Variants in PID1 observed in about 807,000 individuals in gnomAD.
PID1 encodes the protein PTB-containing, cubilin and LRP1-interacting protein.
In PID1, 10 loss-of-function variants were observed where a neutral mutation model predicts 19.1. That is an observed-to-expected ratio of 0.52 (90% confidence interval 0.32 to 0.89). The LOEUF (loss-of-function observed/expected upper bound fraction) is 0.89, where lower values mean the gene tolerates loss of function less well. Among genes scored for constraint, PID1 ranks in the 40% least tolerant of loss-of-function variants. The pLI is 0.03. For synonymous variants in PID1, 130 were observed against 116.0 expected (o/e 1.12, Z -0.78); for missense variants, 248 against 285.3 (o/e 0.87, Z 0.94).
intron 2 of PID1, among the ~76,000 whole-genome samples, chr2:229,056,099 A>G (rs1330481525): frequency 6.6e-6 from 1 of 152,196 alleles, no homozygotes; most frequent in Non-Finnish European, 1.5e-5. Context: ...ATTCATGGGT[A>G]CTGTTCCCCA....
At chr2:229,264,517 C>A (rs1690543284) in intron 1 of PID1, among the ~76,000 whole-genome samples, 1 of 152,128 alleles carries the variant, frequency 6.6e-6, no homozygotes, top group Non-Finnish European at 1.5e-5. Flanking sequence ...ACCCTAACAC[C>A]CACTATCATA....
intron 1 of PID1, among the ~76,000 whole-genome samples, chr2:229,221,020 C>T (rs184427837): frequency 1.6e-4 from 24 of 152,254 alleles, no homozygotes; most frequent in Admixed American, 1.2e-3. Context: ...CTGAATTGGC[C>T]GATCAGTGTA....
chr2:229,155,765 C>A (rs926692663), intron 2 of PID1, 53 bp downstream of exon 2: 4 of 1,510,906 alleles, frequency 2.6e-6, no homozygotes, highest in Non-Finnish European at 2.7e-6. Context: ...CAAGCCCACA[C>A]ATCTTTGAGG....
chr2:229,077,581 C>T (rs1694584695), intron 2 of PID1, among the ~76,000 whole-genome samples: 1 of 152,126 alleles, frequency 6.6e-6, no homozygotes, highest in African/African-American at 2.4e-5. Context: ...AGGAAGGGGT[C>T]CAGTTTCAGT....
chr2:229,129,497 C>T (rs1398252358), intron 2 of PID1, among the ~76,000 whole-genome samples: 1 of 151,756 alleles, frequency 6.6e-6, no homozygotes, highest in African/African-American at 2.4e-5. Flanking sequence ...CACACCCAAA[C>T]CTAAATGTGA....
At chr2:229,167,737 T>C (rs1191542367) in intron 1 of PID1, among the ~76,000 whole-genome samples, 1 of 152,160 alleles carries the variant, frequency 6.6e-6, no homozygotes, top group African/African-American at 2.4e-5. Context: ...ACTTTCCTGG[T>C]TTTTATTCTA....
chr2:229,139,479 T>A (rs957112858), intron 2 of PID1, among the ~76,000 whole-genome samples: 1 of 152,164 alleles, frequency 6.6e-6, no homozygotes, highest in Non-Finnish European at 1.5e-5. Flanking sequence ...AGCATCTTTA[T>A]CCTCTAGGAA....
chr2:229,200,280 C>T (rs1359056064), intron 1 of PID1, among the ~76,000 whole-genome samples: 1 of 151,990 alleles, frequency 6.6e-6, no homozygotes, highest in Non-Finnish European at 1.5e-5. Flanking sequence ...CGCTTTGCCT[C>T]TCTATTCTTC....
At chr2:229,049,570 A>G (rs2106182512) in intron 2 of PID1, among the ~76,000 whole-genome samples, 1 of 152,306 alleles carries the variant, frequency 6.6e-6, no homozygotes, top group South Asian at 2.1e-4. Context: ...ACCAACTTGC[A>G]TGTCACCTAG....
intron 2 of PID1, among the ~76,000 whole-genome samples, chr2:229,077,545 T>G (rs1694583303): frequency 6.6e-6 from 1 of 152,214 alleles, no homozygotes; most frequent in South Asian, 2.1e-4. Flanking sequence ...TTAATCCATC[T>G]TGAGCTAATT....
At chr2:229,215,021 C>G (rs1403084684) in intron 1 of PID1, among the ~76,000 whole-genome samples, 1 of 152,106 alleles carries the variant, frequency 6.6e-6, no homozygotes, top group South Asian at 2.1e-4. Flanking sequence ...TGTGATAAAT[C>G]ATGATACAAT....
intron 1 of PID1, among the ~76,000 whole-genome samples, chr2:229,173,439 TG>T (rs1690750722): frequency 6.6e-6 from 1 of 152,212 alleles, no homozygotes. Flanking sequence ...TTACCTGCTC[TG>T]ATCTATTTTG....
chr2:229,198,866 A>G, intron 1 of PID1, among the ~76,000 whole-genome samples: 1 of 152,088 alleles, frequency 6.6e-6, no homozygotes, highest in Non-Finnish European at 1.5e-5. Flanking sequence ...TGTTGACTAC[A>G]ATCTGTCCTC....
At chr2:229,199,779 C>T (rs981595423) in intron 1 of PID1, among the ~76,000 whole-genome samples, 1 of 146,774 alleles carries the variant, frequency 6.8e-6, no homozygotes, top group Non-Finnish European at 1.5e-5. Flanking sequence ...TATATATATA[C>T]ACACACACAT....
Position 229,199,720 on chromosome 2 carries a change from TTATA to T in PID1, c.31-43760_31-43757del, listed in dbSNP as rs55942947. Among the ~76,000 whole-genome samples the T allele has an allele frequency of 8.1e-3, 1,069 of 132,132 alleles. 14 individuals are homozygous for T. The highest frequency in any genetic ancestry group is 0.027 in the African/African-American group (968 of 36,084). 86.7% of individuals were successfully genotyped at this position (132,132 alleles called of 152,430 possible). A position where few individuals can be genotyped will look rare whatever the true frequency, so the allele number is the denominator to read the frequency against. On this transcript the variant is annotated intron_variant, in intron 1 of 2. Transcript: ENST00000392055. Reference sequence around the variant, plus strand: ...TCAAGACAAATGGGAAATATCTAATTTATATATATATATATATATATATATACAC... The same window carrying T: ...TCAAGACAAATGGGAAATATCTAATTTATATATATATATATATATATACAC...
At chr2:229,124,261 G>A (rs192140089) in intron 2 of PID1, among the ~76,000 whole-genome samples, 1 of 152,242 alleles carries the variant, frequency 6.6e-6, no homozygotes, top group Admixed American at 6.5e-5. Flanking sequence ...ATGGATATTA[G>A]CCAATCTCTT....
intron 1 of PID1, among the ~76,000 whole-genome samples, chr2:229,235,559 C>T (rs1692306912): frequency 6.6e-6 from 1 of 151,976 alleles, no homozygotes; most frequent in Non-Finnish European, 1.5e-5. Context: ...GACTTTTGAA[C>T]TACTTCTTTC....
chr2:229,158,779 T>C (rs1690433369), intron 1 of PID1, among the ~76,000 whole-genome samples: 1 of 152,164 alleles, frequency 6.6e-6, no homozygotes, highest in Non-Finnish European at 1.5e-5. Flanking sequence ...CCAAAAACAG[T>C]TCTTTAAAAA....
chr2:229,030,245 C>T (rs572906941), intron 2 of PID1, among the ~76,000 whole-genome samples: 6 of 152,026 alleles, frequency 3.9e-5, no homozygotes, highest in South Asian at 2.1e-4. Flanking sequence ...TTGTGGTTGC[C>T]GGGGGATTGG....
Sources: gnomAD v4.1 joint callset for allele counts (sites outside exome capture counted in the v4.1 genomes callset) on GRCh38, gnomAD v4.1.1 for gene constraint, MANE v1.5 for transcripts, NCBI Gene and HGNC (gene_info 2026-07-23, HGNC 2026-07-21) for gene names.